The following YY1 variants were observed in gnomAD, a reference collection of about 807,000 sequenced individuals.
YY1 encodes YY1 transcription factor, also known as transcriptional repressor protein YY1.
Under a neutral mutation model 35.6 loss-of-function variants are expected in YY1, and 2 were observed. The observed-to-expected ratio is 0.06, with a 90% CI of 0.02 to 0.18. YY1 has a LOEUF of 0.18. Among genes scored for constraint, YY1 ranks in the 10% least tolerant of loss-of-function variants. The pLI is 1.00. For synonymous variants in YY1, 268 were observed against 238.9 expected (o/e 1.12, Z -1.12); for missense variants, 322 against 573.4 (o/e 0.56, Z 4.48).
chr14:100,239,753 G>A lies in YY1; in HGVS notation c.509G>A (p.Gly170Asp), dbSNP rs928224334. 11 of 1,582,890 alleles carry A rather than the reference G, an allele frequency of 6.9e-6. No individual in the cohort carries two copies. The highest frequency in any genetic ancestry group is 1.7e-5 in the Admixed American group (1 of 58,312). The change falls in exon 1 of 5, where the codon GGC becomes GAC. Residue 170 changes from glycine (G) to aspartate (D), a missense_variant. Gly to Asp is a moderately conservative substitution (Grantham distance 94). Transcript: ENST00000262238. ...GGGGSSSSGG[G>D]RVKKGGGKKS... ...GGCGGCTCGTCGTCGTCGGGAGGCGGCCGCGTCAAGAAGGGCGGCGGCAAG... is the reference window on the plus strand; with the variant it reads ...GGCGGCTCGTCGTCGTCGGGAGGCGACCGCGTCAAGAAGGGCGGCGGCAAG...
chr14:100,251,421 G>T (rs1053297811), intron 1 of YY1, among the ~76,000 whole-genome samples: 1 of 152,226 alleles, frequency 6.6e-6, no homozygotes, highest in African/African-American at 2.4e-5. Context: ...CTCTGAAACT[G>T]ATTCTCACTG....
intron 1 of YY1, among the ~76,000 whole-genome samples, chr14:100,253,199 G>A (rs1305414656): frequency 6.6e-6 from 1 of 152,164 alleles, no homozygotes; most frequent in Non-Finnish European, 1.5e-5. Flanking sequence ...AATTTTTAAA[G>A]CAGATTTAGA....
At chr14:100,243,444 A>G (rs912370485) in intron 1 of YY1, among the ~76,000 whole-genome samples, 1 of 152,204 alleles carries the variant, frequency 6.6e-6, no homozygotes, top group African/African-American at 2.4e-5. Flanking sequence ...ATAGTTGTAC[A>G]TACAGGGTAT....
chr14:100,247,899 T>C (rs1024640137), intron 1 of YY1, among the ~76,000 whole-genome samples: 1 of 152,178 alleles, frequency 6.6e-6, no homozygotes, highest in Non-Finnish European at 1.5e-5. Context: ...TTTGAATCTT[T>C]ATAGCAGGAA....
At chr14:100,260,504 G>A (rs919726355) in intron 1 of YY1, among the ~76,000 whole-genome samples, 16 of 140,938 alleles carry the variant, frequency 1.1e-4, no homozygotes, top group African/African-American at 4.3e-4. Context: ...ACAGAGTCTC[G>A]CTCTGTCACC....
At position 100,276,288 on chromosome 14, in the gene YY1, G is replaced by T. The variant is rs1891316538; in HGVS notation, c.904-202G>T. 1.5e-6 allele frequency: 1 copy of T among 665,984 alleles called. No individual in the cohort carries two copies. Among genetic ancestry groups the T allele is most frequent in the Non-Finnish European group, 2.5e-6 (1 of 402,414 alleles). The allele number at this position is 665,984 out of a possible 1,614,324, so 41.3% of individuals were successfully genotyped here. ...TCAGTTTCCTCATCTGTAAAACTAG[G>T]GTTTGCATTGAATGATGACTTTTTC... is the stretch of plus-strand genomic sequence containing the variant. On this transcript the variant is annotated intron_variant, in intron 3 of 4. Transcript: ENST00000262238. The surrounding 1 kb of genome is among the most constrained non-coding windows in gnomAD (Gnocchi z 4.1).
At chr14:100,240,006 C>T in intron 1 of YY1, 83 bp downstream of exon 1, 2 of 1,348,608 alleles carry the variant, frequency 1.5e-6, no homozygotes, top group Non-Finnish European at 1.9e-6. Context: ...TGGGCGCCGC[C>T]ATCTTCTTCG....
In YY1 at chr14:100,269,884, A is replaced by C. The variant is rs1351456223; in HGVS notation, c.843-4814A>C. Reference sequence around the variant, plus strand: ...AAAAATAATACCACTTATAATAACAAACCAAGAGTTGGGTAAATGGTACCT... The same window carrying C: ...AAAAATAATACCACTTATAATAACACACCAAGAGTTGGGTAAATGGTACCT... On this transcript the variant is annotated intron_variant, in intron 2 of 4. Transcript: ENST00000262238. 2.0e-5 allele frequency among the ~76,000 whole-genome samples: 3 copies of C among 152,260 alleles called. No individual in the cohort carries two copies. The East Asian group carries it at 5.8e-4, about 29-fold the overall frequency.
intron 1 of YY1, among the ~76,000 whole-genome samples, chr14:100,260,146 G>A (rs764904784): frequency 1.3e-5 from 2 of 151,862 alleles, no homozygotes; most frequent in African/African-American, 4.8e-5. Flanking sequence ...GTGCAATCTC[G>A]GCTCACTGCA....
chr14:100,249,094 C>A (rs1430500358), intron 1 of YY1, among the ~76,000 whole-genome samples: 12 of 121,180 alleles, frequency 9.9e-5, no homozygotes, highest in African/African-American at 3.6e-4. Context: ...GACTCTTTCT[C>A]GTGTAATTTT....
At chr14:100,240,017 C>G (rs994597557) in intron 1 of YY1, 94 bp downstream of exon 1, 28 of 1,269,754 alleles carry the variant, frequency 2.2e-5, no homozygotes, top group Non-Finnish European at 2.9e-5. Flanking sequence ...ATCTTCTTCG[C>G]CAGGGCAAGT....
chr14:100,251,605 TCCCC>T (rs1890925107), intron 1 of YY1, among the ~76,000 whole-genome samples: 2 of 152,192 alleles, frequency 1.3e-5, no homozygotes, highest in Non-Finnish European at 2.9e-5. Context: ...GACCTACTGT[TCCCC>T]CTTAAACCTA....
rs1435017668 is a variant in YY1, at chr14:100,281,867, G to A, written c.*4267G>A. On this transcript the variant is annotated 3_prime_UTR_variant, in exon 5 of 5. Transcript: ENST00000262238. ...AGGGCTGGCCTCTGACCCACAAGAGGGCAGATTTGTGGCCAAGAGGCTTCC... is the reference window on the plus strand; with the variant it reads ...AGGGCTGGCCTCTGACCCACAAGAGAGCAGATTTGTGGCCAAGAGGCTTCC... 2 of 152,188 alleles carry A rather than the reference G, an allele frequency of 1.3e-5. No individual in the cohort carries two copies. The highest frequency in any genetic ancestry group is 4.8e-5 in the African/African-American group (2 of 41,424). 9.4% of individuals were successfully genotyped at this position (152,188 alleles called of 1,614,324 possible).
At chr14:100,253,969 A>C (rs1890962617) in intron 1 of YY1, among the ~76,000 whole-genome samples, 1 of 152,050 alleles carries the variant, frequency 6.6e-6, no homozygotes, top group Admixed American at 6.6e-5. Context: ...AGCTGAGATT[A>C]CAGGTGCCCG....
At chr14:100,260,961 A>T (rs1479927642) in intron 1 of YY1, among the ~76,000 whole-genome samples, 1 of 150,442 alleles carries the variant, frequency 6.6e-6, no homozygotes, top group East Asian at 2.0e-4. Flanking sequence ...TGCCTGGCTA[A>T]TTTTAATTTT....
intron 1 of YY1, among the ~76,000 whole-genome samples, chr14:100,242,781 C>T (rs1890770962): frequency 6.6e-6 from 1 of 151,946 alleles, no homozygotes; most frequent in Non-Finnish European, 1.5e-5. Flanking sequence ...CAGAGTCTTG[C>T]TCTGTTGCCC....
In YY1 at chr14:100,250,302, C is replaced by T. The variant is rs114485705; in HGVS notation, c.679+10379C>T. Among the ~76,000 whole-genome samples the T allele has an allele frequency of 1.6e-3, 239 of 152,214 alleles. 1 individual carries two copies. Among genetic ancestry groups the T allele is most frequent in the African/African-American group, 5.4e-3 (226 of 41,546 alleles). ...TTTTGCCTGTTGCTAAGCAGTGAATCGCAAATGTTTAGCTCTCCCCTGTTT... is the reference window on the plus strand; with the variant it reads ...TTTTGCCTGTTGCTAAGCAGTGAATTGCAAATGTTTAGCTCTCCCCTGTTT... On this transcript the variant is annotated intron_variant, in intron 1 of 4. Transcript: ENST00000262238.
chr14:100,242,101 A>G (rs528557894), intron 1 of YY1, among the ~76,000 whole-genome samples: 1 of 152,266 alleles, frequency 6.6e-6, no homozygotes, highest in South Asian at 2.1e-4. Context: ...AGATACATTA[A>G]CCACAAAAGT....
In YY1 at chr14:100,239,200, C is replaced by G; in HGVS notation, c.-45C>G. ...GCCTCCTCGCCCGCCCGCCCGCAGC[C>G]GAGGAGCCGAGGCCGCCGCGGCCGT... On this transcript the variant is annotated 5_prime_UTR_variant, in exon 1 of 5. Transcript: ENST00000262238. The G allele has an allele frequency of 7.1e-7, 1 of 1,412,378 alleles. No individual in the cohort carries two copies. The highest frequency in any genetic ancestry group is 9.2e-7 in the Non-Finnish European group (1 of 1,090,766). The allele number at this position is 1,412,378 out of a possible 1,614,324, so 87.5% of individuals were successfully genotyped here.
Sources: gnomAD v4.1 joint callset for allele counts (sites outside exome capture counted in the v4.1 genomes callset) on GRCh38, gnomAD v4.1.1 for gene constraint, Gnocchi (gnomAD v3.1) non-coding constraint, MANE v1.5 for transcripts, NCBI Gene and HGNC (gene_info 2026-07-23, HGNC 2026-07-21) for gene names.